Variants in MEAF6 observed in about 807,000 individuals in gnomAD.
MEAF6 encodes the protein chromatin modification-related protein MEAF6.
MEAF6 carries 15 observed loss-of-function variants against 28.9 expected under a neutral mutation model. The ratio of observed to expected loss-of-function variants is 0.52; its 90% CI spans 0.35 to 0.80. MEAF6 has a LOEUF of 0.80. Among genes scored for constraint, MEAF6 ranks in the 30% least tolerant of loss-of-function variants. The pLI is 0.01. For synonymous variants in MEAF6, 97 were observed against 88.7 expected (o/e 1.09, Z -0.53); for missense variants, 178 against 237.5 (o/e 0.75, Z 1.65).
intron 2 of MEAF6, 151 bp downstream of exon 2, chr1:37,513,272 G>C (rs1037241328): frequency 9.6e-6 from 6 of 624,830 alleles, no homozygotes; most frequent in Non-Finnish European, 1.7e-5. Flanking sequence ...TATTCGGTGA[G>C]GCAGTGCCTG....
chr1:37,503,837 T>C (rs190474116), intron 4 of MEAF6, among the ~76,000 whole-genome samples: 1 of 152,110 alleles, frequency 6.6e-6, no homozygotes, highest in Non-Finnish European at 1.5e-5. Context: ...GGCAGGCGCC[T>C]GTAATCCCAG....
chr1:37,497,236 G>A (rs1261053203), intron 5 of MEAF6, among the ~76,000 whole-genome samples: 1 of 152,002 alleles, frequency 6.6e-6, no homozygotes, highest in African/African-American at 2.4e-5. Flanking sequence ...GGGTTTGTTT[G>A]TTTGTTTGTT....
Position 37,490,160 on chromosome 1 carries a change from C to G in MEAF6, c.*3939G>C, listed in dbSNP as rs1005822774. Among the ~76,000 whole-genome samples, 4 of 151,924 alleles carry G rather than the reference C, an allele frequency of 2.6e-5. No individual in the cohort carries two copies. The highest frequency in any genetic ancestry group is 2.1e-4 in the South Asian group (1 of 4,810). ...AGGCCTAATCTTTTCTTCCCACCCC[C>G]ACCCAGCCATCCTGTGTGCCCTCTT... On this transcript the variant is annotated 3_prime_UTR_variant, in exon 7 of 7. Transcript: ENST00000296214.
Position 37,514,694 on chromosome 1 carries a change from T to C in MEAF6, c.53A>G (p.Glu18Gly). The C allele has an allele frequency of 6.5e-7, 1 of 1,539,774 alleles. No individual in the cohort carries two copies. Among genetic ancestry groups the C allele is most frequent in the South Asian group, 1.2e-5 (1 of 85,550 alleles). ...CTTCCGCTTCACGAGCTCCGCCAGC[T>C]CCCGCCGGGTGTCCGGGATCTGCGG... ...APPQIPDTRRELAELVKRKQE... is the reference protein window; with the variant it reads ...APPQIPDTRRGLAELVKRKQE... The change falls in exon 1 of 7, where the codon GAG becomes GGG. Residue 18 changes from glutamate (E) to glycine (G), a missense_variant. By Grantham distance (98) the Glu-to-Gly change is moderately conservative. Transcript: ENST00000296214.
chr1:37,500,386 A>T (rs1008802499), intron 5 of MEAF6, among the ~76,000 whole-genome samples: 15 of 152,242 alleles, frequency 9.9e-5, no homozygotes, highest in Admixed American at 1.3e-4. Flanking sequence ...AATTAAAAAA[A>T]TTTTTAAGAA....
At position 37,490,038 on chromosome 1, in the gene MEAF6, A is replaced by G. The variant is rs1455648240; in HGVS notation, c.*4061T>C. On this transcript the variant is annotated 3_prime_UTR_variant, in exon 7 of 7. Coordinates refer to ENST00000296214, the MANE Select transcript of MEAF6 (RefSeq NM_001270875.3). ...TATAAATTAATGACCTACATGTACT[A>G]ATGAACTAATATTGATGTATATTTG... 2.0e-5 allele frequency among the ~76,000 whole-genome samples: 3 copies of G among 152,236 alleles called. No individual in the cohort carries two copies. The highest frequency in any genetic ancestry group is 1.3e-4 in the Admixed American group (2 of 15,292).
At position 37,490,297 on chromosome 1, in the gene MEAF6, T is replaced by C. The variant is rs774594098; in HGVS notation, c.*3802A>G. 2.9e-4 allele frequency among the ~76,000 whole-genome samples: 44 copies of C among 152,092 alleles called. No individual in the cohort carries two copies. The highest frequency in any genetic ancestry group is 2.0e-4 in the Admixed American group (3 of 15,268). On this transcript the variant is annotated 3_prime_UTR_variant, in exon 7 of 7. Coordinates refer to ENST00000296214, the MANE Select transcript of MEAF6 (RefSeq NM_001270875.3). ...GCAGTTTTTCAAAGTGAAAACTGTT[T>C]CAAATCACGAAGCTTACCACTTAGA...
At chr1:37,514,612 G>A in intron 1 of MEAF6, 45 bp downstream of exon 1, 1 of 1,409,792 alleles carries the variant, frequency 7.1e-7, no homozygotes, top group Non-Finnish European at 9.4e-7. Flanking sequence ...GAGGCGGGGC[G>A]GGCGCGGAGC....
rs1642430591 is a variant in MEAF6, at chr1:37,504,827, AT to A, written c.341-2832del. On this transcript the variant is annotated intron_variant, in intron 4 of 6. Coordinates refer to ENST00000296214, the MANE Select transcript of MEAF6 (RefSeq NM_001270875.3). The stretch of plus-strand genomic sequence containing the variant: ...CACACACACACACACACACACACAC[AT>A]TATCTATTTCTAAAACTTGTCAAAA... Among the ~76,000 whole-genome samples the A allele has an allele frequency of 2.0e-5, 3 of 149,660 alleles. No homozygotes were observed. In the Admixed American group the frequency reaches 2.0e-4, roughly 10 times the overall value.
In MEAF6 at chr1:37,490,819, G is replaced by A. The variant is rs551401474; in HGVS notation, c.*3280C>T. ...AGGCAGGTGGATTACGAAGTCAGGA[G>A]TTTGAGTCCAGCCTGGCCAATATGG... On this transcript the variant is annotated 3_prime_UTR_variant, in exon 7 of 7. Coordinates refer to ENST00000296214, the MANE Select transcript of MEAF6 (RefSeq NM_001270875.3). Among the ~76,000 whole-genome samples, 2 of 152,046 alleles carry A rather than the reference G, an allele frequency of 1.3e-5. No homozygotes were observed. The highest frequency in any genetic ancestry group is 2.9e-5 in the Non-Finnish European group (2 of 68,002).
chr1:37,501,981 C>A lies in MEAF6; in HGVS notation c.356G>T (p.Gly119Val). Reference sequence around the variant, plus strand: ...GTCTGGAGAAGTGTCACTTTCCGTCCCACTTCCTGGCTCCCCTGAAGGAAA... The same window carrying A: ...GTCTGGAGAAGTGTCACTTTCCGTCACACTTCCTGGCTCCCCTGAAGGAAA... Reference protein sequence around the residue: ...QLIEKREPGSGTESDTSPDFH... With the variant: ...QLIEKREPGSVTESDTSPDFH... The change falls in exon 5 of 7, where the codon GGG (glycine) becomes GTG (valine). Residue 119 changes from glycine to valine, a missense_variant. Transcript: ENST00000296214. 1 of 1,604,094 alleles carries A rather than the reference C, an allele frequency of 6.2e-7. No individual in the cohort carries two copies. The highest frequency in any genetic ancestry group is 1.1e-5 in the South Asian group (1 of 90,236).
chr1:37,491,939 G>C lies in MEAF6; in HGVS notation c.*2160C>G, dbSNP rs1641946866. On this transcript the variant is annotated 3_prime_UTR_variant, in exon 7 of 7. Transcript: ENST00000296214. ...TCTTTTTTTTTTTTTTTTTGACAGAGTCTCGCTCTGTCGCCCAGGCTGCTG... is the reference window on the plus strand; with the variant it reads ...TCTTTTTTTTTTTTTTTTTGACAGACTCTCGCTCTGTCGCCCAGGCTGCTG... Among the ~76,000 whole-genome samples the C allele has an allele frequency of 2.8e-5, 4 of 143,630 alleles. No homozygotes were observed. The South Asian group carries it at 8.6e-4, about 31-fold the overall frequency. 94.2% of individuals were successfully genotyped at this position (143,630 alleles called of 152,430 possible). A position where few individuals can be genotyped will look rare whatever the true frequency, so the allele number is the denominator to read the frequency against.
chr1:37,497,539 G>A (rs1397197647), intron 5 of MEAF6, among the ~76,000 whole-genome samples: 1 of 151,844 alleles, frequency 6.6e-6, no homozygotes, highest in Non-Finnish European at 1.5e-5. Context: ...GTCTATATCA[G>A]GGCTATAATT....
At chr1:37,496,398 G>T in intron 5 of MEAF6, 2 of 328,374 alleles carry the variant, frequency 6.1e-6, no homozygotes, top group Non-Finnish European at 1.1e-5. Flanking sequence ...AAAATATCAA[G>T]ATCTTAAGCT....
chr1:37,503,648 A>C lies in MEAF6; in HGVS notation c.341-1652T>G, dbSNP rs1398715052. Among the ~76,000 whole-genome samples, 3 of 146,352 alleles carry C rather than the reference A, an allele frequency of 2.0e-5. No individual in the cohort carries two copies. In the East Asian group the frequency reaches 6.0e-4, roughly 29 times the overall value. On this transcript the variant is annotated intron_variant, in intron 4 of 6. Transcript: ENST00000296214. ...TGCACTCTAGCCTGGGCAACAGAGC[A>C]AGACTGTCTCAAAAAAAAAAAAAAA...
In MEAF6 at chr1:37,495,795, T is replaced by A; in HGVS notation, c.567+90A>T. The A allele has an allele frequency of 2.3e-6, 3 of 1,280,036 alleles. 1 individual carries two copies. The highest frequency in any genetic ancestry group is 1.1e-6 in the Non-Finnish European group (1 of 881,292). The allele number at this position is 1,280,036 out of a possible 1,614,324, so 79.3% of individuals were successfully genotyped here. ...TTAAATCAAGAGTTATGACTCCAGG[T>A]TAGGAACACTCAAGCTCTGAAGACA... is the stretch of plus-strand genomic sequence containing the variant. On this transcript the variant is annotated intron_variant, in intron 6 of 6. Coordinates refer to ENST00000296214, the MANE Select transcript of MEAF6 (RefSeq NM_001270875.3).
At chr1:37,503,459 T>C (rs1391256156) in intron 4 of MEAF6, among the ~76,000 whole-genome samples, 1 of 152,022 alleles carries the variant, frequency 6.6e-6, no homozygotes, top group African/African-American at 2.4e-5. Context: ...AAGACCAGCT[T>C]GGACAACACA....
chr1:37,501,848 A>G lies in MEAF6; in HGVS notation c.489T>C (p.Ser163=), dbSNP rs776965814. The G allele has an allele frequency of 2.5e-6, 4 of 1,601,936 alleles. No homozygotes were observed. Among genetic ancestry groups the G allele is most frequent in the South Asian group, 2.2e-5 (2 of 89,982 alleles). The change falls in exon 5 of 7, where the codon AGT becomes AGC. Residue 163 remains serine (S), a synonymous_variant. Coordinates refer to ENST00000296214, the MANE Select transcript of MEAF6 (RefSeq NM_001270875.3). ...QKAASSTSSG[S]HHSSHKKRKN... ...TTCGCTTTTTATGGCTGCTGTGGTG[A>G]CTCCCTGAGGAAGTAGAAGAAGCAG...
chr1:37,508,688 G>T (rs1642567054), intron 4 of MEAF6, among the ~76,000 whole-genome samples: 1 of 152,136 alleles, frequency 6.6e-6, no homozygotes, highest in African/African-American at 2.4e-5. Flanking sequence ...AATTCCCTAA[G>T]AATTTATAAG....
Sources: allele counts gnomAD v4.1 joint callset (sites outside exome capture counted in the v4.1 genomes callset), GRCh38; gene constraint gnomAD v4.1.1; transcripts MANE v1.5; gene names NCBI Gene and HGNC (gene_info 2026-07-23, HGNC 2026-07-21).